Variants in VAV3 observed in about 807,000 individuals in gnomAD.
The protein encoded by VAV3 is vav guanine nucleotide exchange factor 3.
A neutral mutation model predicts 131.2 loss-of-function variants in VAV3; 94 were observed. The ratio of observed to expected loss-of-function variants is 0.72; its 90% CI spans 0.61 to 0.85. The LOEUF (loss-of-function observed/expected upper bound fraction) is 0.85, where lower values mean the gene tolerates loss of function less well. Ranked by LOEUF, VAV3 falls within the 40% of genes least tolerant of loss-of-function variation. The pLI is 0.00. For synonymous variants in VAV3, 349 were observed against 342.0 expected (o/e 1.02, Z -0.22); for missense variants, 939 against 1,002.7 (o/e 0.94, Z 0.86).
intron 2 of VAV3, among the ~76,000 whole-genome samples, chr1:107,868,039 T>C (rs1670082654): frequency 6.6e-6 from 1 of 152,056 alleles, no homozygotes; most frequent in Non-Finnish European, 1.5e-5. Context: ...TACAAGGGCA[T>C]TGCTAGCATC....
chr1:107,964,399 CTTAT>C (rs1469734416), intron 1 of VAV3: 9 of 399,840 alleles, frequency 2.3e-5, no homozygotes, highest in Non-Finnish European at 3.7e-5. Context: ...CCTAAGACAA[CTTAT>C]TTCTTTCCCG....
chr1:107,910,622 T>C (rs1024677805), intron 1 of VAV3, among the ~76,000 whole-genome samples: 1 of 152,218 alleles, frequency 6.6e-6, no homozygotes, highest in Non-Finnish European at 1.5e-5. Flanking sequence ...TTTTAAAACA[T>C]GTAATACTAA....
chr1:107,689,922 A>G (rs1034697034), intron 17 of VAV3, among the ~76,000 whole-genome samples: 3 of 152,194 alleles, frequency 2.0e-5, no homozygotes, highest in African/African-American at 7.2e-5. Context: ...TTTGCCCAGA[A>G]AGACCCATAT....
chr1:107,665,025 T>C (rs907134497), intron 19 of VAV3, among the ~76,000 whole-genome samples: 2 of 152,208 alleles, frequency 1.3e-5, no homozygotes, highest in South Asian at 4.1e-4. Context: ...GGGCCTTTTA[T>C]AGTTAATATA....
chr1:107,706,528 C>A (rs993363026), intron 15 of VAV3, among the ~76,000 whole-genome samples: 1 of 152,192 alleles, frequency 6.6e-6, no homozygotes, highest in Non-Finnish European at 1.5e-5. Flanking sequence ...GAATTATGGA[C>A]ATTTCCATGG....
At chr1:107,598,386 C>A (rs939571795) in intron 24 of VAV3, among the ~76,000 whole-genome samples, 3 of 151,666 alleles carry the variant, frequency 2.0e-5, no homozygotes, top group Admixed American at 2.0e-4. Context: ...CACCAAAAAA[C>A]ACACACACAA....
intron 1 of VAV3, among the ~76,000 whole-genome samples, chr1:107,935,751 C>T (rs1673679238): frequency 6.6e-6 from 1 of 152,156 alleles, no homozygotes; most frequent in Non-Finnish European, 1.5e-5. Context: ...CAAAAACAGA[C>T]AGGCCAACCA....
intron 2 of VAV3, among the ~76,000 whole-genome samples, chr1:107,782,124 C>T (rs2102236135): frequency 6.6e-6 from 1 of 152,122 alleles, no homozygotes; most frequent in African/African-American, 2.4e-5. Context: ...CACTGTGGTC[C>T]CAGCATATAT....
At chr1:107,705,895 C>T (rs1383531028) in intron 15 of VAV3, among the ~76,000 whole-genome samples, 1 of 152,110 alleles carries the variant, frequency 6.6e-6, no homozygotes. Flanking sequence ...TGCTTTTGGC[C>T]ACTGAAACTA....
At chr1:107,890,940 A>G (rs571492244) in intron 1 of VAV3, among the ~76,000 whole-genome samples, 2 of 152,296 alleles carry the variant, frequency 1.3e-5, no homozygotes, top group South Asian at 4.2e-4. Context: ...TACTCCTATA[A>G]GGCAGATGTG....
chr1:107,738,720 A>G (rs1211393379), intron 15 of VAV3, among the ~76,000 whole-genome samples: 2 of 152,224 alleles, frequency 1.3e-5, no homozygotes, highest in Non-Finnish European at 2.9e-5. Context: ...ATGTCACACT[A>G]ACTGTTAGGT....
rs542427255 is a variant in VAV3 at position 107,838,420 on chromosome 1, G to T, written c.321+36481C>A. On this transcript the variant is annotated intron_variant, in intron 2 of 26. Coordinates refer to ENST00000370056, the MANE Select transcript of VAV3 (RefSeq NM_006113.5). ...AGATACAAACTCACATCTGGTCAGG[G>T]TGGCTTTTATTAAAAAGACAAAAAA... is the stretch of plus-strand genomic sequence containing the variant. Among the ~76,000 whole-genome samples, 4 of 152,234 alleles carry T rather than the reference G, an allele frequency of 2.6e-5. No individual in the cohort carries two copies. In the East Asian group the frequency reaches 7.7e-4, roughly 29 times the overall value.
At chr1:107,671,343 CAA>C (rs1273277561) in intron 19 of VAV3, among the ~76,000 whole-genome samples, 1 of 152,168 alleles carries the variant, frequency 6.6e-6, no homozygotes, top group African/African-American at 2.4e-5. Flanking sequence ...GGCAGGAATC[CAA>C]AGTCATTATT....
intron 1 of VAV3, 27 bp from the exon 2 acceptor site, chr1:107,875,044 A>G: frequency 1.3e-6 from 2 of 1,580,146 alleles, no homozygotes; most frequent in Middle Eastern, 1.7e-4. Context: ...AGCTGTTAGC[A>G]TAAAGTTAAT....
At chr1:107,634,818 G>C (rs1654786202) in intron 20 of VAV3, among the ~76,000 whole-genome samples, 1 of 152,044 alleles carries the variant, frequency 6.6e-6, no homozygotes, top group African/African-American at 2.4e-5. Flanking sequence ...CAAAGGATAT[G>C]AACAGACACT....
intron 20 of VAV3, among the ~76,000 whole-genome samples, chr1:107,636,062 G>T (rs1654908111): frequency 6.6e-6 from 1 of 152,188 alleles, no homozygotes; most frequent in African/African-American, 2.4e-5. Flanking sequence ...AACATTAGTT[G>T]TTGGTGCTAT....
At chr1:107,747,970 A>G (rs1663460032) in intron 15 of VAV3, among the ~76,000 whole-genome samples, 1 of 152,196 alleles carries the variant, frequency 6.6e-6, no homozygotes, top group African/African-American at 2.4e-5. Context: ...GAATTTGTCA[A>G]CAACTGGTAA....
At chr1:107,592,457 G>C (rs1399854018) in intron 25 of VAV3, among the ~76,000 whole-genome samples, 1 of 151,974 alleles carries the variant, frequency 6.6e-6, no homozygotes, top group African/African-American at 2.4e-5. Context: ...AAGATACTTG[G>C]ATATTATATA....
chr1:107,616,349 G>A (rs1356089098), intron 21 of VAV3, among the ~76,000 whole-genome samples: 1 of 129,010 alleles, frequency 7.8e-6, no homozygotes, highest in Non-Finnish European at 1.8e-5. Flanking sequence ...GGAAAAGCAA[G>A]TAACAATGTT....
Sources: gnomAD v4.1 joint callset for allele counts (sites outside exome capture counted in the v4.1 genomes callset) on GRCh38, gnomAD v4.1.1 for gene constraint, MANE v1.5 for transcripts, NCBI Gene and HGNC (gene_info 2026-07-23, HGNC 2026-07-21) for gene names.